The following ADGRL1 variants were observed in gnomAD, a reference collection of about 807,000 sequenced individuals.
ADGRL1 encodes the protein adhesion G protein-coupled receptor L1.
Under a neutral mutation model 148.9 loss-of-function variants are expected in ADGRL1, and 31 were observed. The observed-to-expected ratio is 0.21, with a 90% CI of 0.16 to 0.28. The LOEUF (loss-of-function observed/expected upper bound fraction) is 0.28, where lower values mean the gene tolerates loss of function less well. Ranked by LOEUF, ADGRL1 falls within the 10% of genes least tolerant of loss-of-function variation. The pLI is 1.00. For synonymous variants in ADGRL1, 937 were observed against 900.3 expected (o/e 1.04, Z -0.73); for missense variants, 1,521 against 2,058.8 (o/e 0.74, Z 5.05).
intron 1 of ADGRL1, among the ~76,000 whole-genome samples, chr19:14,197,941 CAG>C (rs879483262): frequency 2.9e-4 from 44 of 152,280 alleles, no homozygotes; most frequent in African/African-American, 1.0e-3. Flanking sequence ...GTGTGCTTGA[CAG>C]GGGGTATACA....
intron 1 of ADGRL1, among the ~76,000 whole-genome samples, chr19:14,183,970 A>C (rs1051874668): frequency 2.0e-5 from 3 of 152,154 alleles, no homozygotes; most frequent in African/African-American, 7.2e-5. Flanking sequence ...GGGAGATCCC[A>C]GGCAGGCCTT....
In ADGRL1 at chr19:14,152,205, CA is replaced by C; in HGVS notation, c.3650-56del. The C allele has an allele frequency of 6.2e-7, 1 of 1,614,104 alleles. No homozygotes were observed. The highest frequency in any genetic ancestry group is 8.5e-7 in the Non-Finnish European group (1 of 1,180,002). ...AAAAGGCAAGGATGAGCTCGAAATGCAAGTCCAGGCTCCAGTTCTGGGGCAC... is the reference window on the plus strand; with the variant it reads ...AAAAGGCAAGGATGAGCTCGAAATGCAGTCCAGGCTCCAGTTCTGGGGCAC... On this transcript the variant is annotated intron_variant, in intron 21 of 22. Coordinates refer to ENST00000361434, the MANE Select transcript of ADGRL1 (RefSeq NM_014921.5). This position sits in a 1 kb window ranked among gnomAD's most constrained non-coding sequence, Gnocchi z 6.1.
At chr19:14,205,732 C>T (rs1486518366) in intron 1 of ADGRL1, among the ~76,000 whole-genome samples, 1 of 151,220 alleles carries the variant, frequency 6.6e-6, no homozygotes, top group Non-Finnish European at 1.5e-5. Context: ...GTAGCCCGTC[C>T]GCACCCCCGC....
rs1201230603 is a variant in ADGRL1 at position 14,148,994 on chromosome 19, C to G, written c.*1879G>C. 2 of 152,952 alleles carry G rather than the reference C, an allele frequency of 1.3e-5. No homozygotes were observed. The highest frequency in any genetic ancestry group is 4.8e-5 in the African/African-American group (2 of 41,432). 9.5% of individuals were successfully genotyped at this position (152,952 alleles called of 1,614,324 possible). ...GCTGAGACCCGAAGATGTTTGAAAA[C>G]TCATGGCACTTGTGAGAAAAGGAGG... On this transcript the variant is annotated 3_prime_UTR_variant, in exon 23 of 23. Coordinates refer to ENST00000361434, the MANE Select transcript of ADGRL1 (RefSeq NM_014921.5).
At chr19:14,196,156 C>T (rs925418696) in intron 1 of ADGRL1, among the ~76,000 whole-genome samples, 1 of 152,234 alleles carries the variant, frequency 6.6e-6, no homozygotes, top group African/African-American at 2.4e-5. Context: ...CCAATCTCTA[C>T]CTCGAGGCGA....
At chr19:14,163,465 G>GGAGAGGGAGAGA in intron 4 of ADGRL1, 59 bp from the exon 5 acceptor site, 1 of 700,936 alleles carries the variant, frequency 1.4e-6, no homozygotes, top group Non-Finnish European at 2.2e-6. Flanking sequence ...GCGAGAGGGA[G>GGAGAGGGAGAGA]GAGAGAGAGA....
At chr19:14,169,785 C>T (rs1327715499) in intron 4 of ADGRL1, 2 of 152,182 alleles carry the variant, frequency 1.3e-5, no homozygotes, top group African/African-American at 4.8e-5. Context: ...CTACATGGAA[C>T]CCATTGTGGG....
chr19:14,168,761 A>G (rs1970219004), intron 4 of ADGRL1: 1 of 152,110 alleles, frequency 6.6e-6, no homozygotes, highest in Non-Finnish European at 1.5e-5. Context: ...TGTTATTTTA[A>G]TTTTGATTAC....
chr19:14,201,199 G>A (rs966133132), intron 1 of ADGRL1, among the ~76,000 whole-genome samples: 1 of 151,900 alleles, frequency 6.6e-6, no homozygotes, highest in African/African-American at 2.4e-5. Flanking sequence ...CCTCCTCAAG[G>A]GATAAGAAGG....
rs1968683185 is a variant in ADGRL1, at chr19:14,155,926, GCTAT to G, written c.3125+180_3125+183del. On this transcript the variant is annotated intron_variant, in intron 17 of 22. Coordinates refer to ENST00000361434, the MANE Select transcript of ADGRL1 (RefSeq NM_014921.5). This position sits in a 1 kb window ranked among gnomAD's most constrained non-coding sequence, Gnocchi z 5.0. ...CACAGGTTGGACGTGCTAATGATACGCTATCTAAGACCCATTAAGTAGGTACATA... is the reference window on the plus strand; with the variant it reads ...CACAGGTTGGACGTGCTAATGATACGCTAAGACCCATTAAGTAGGTACATA... The G allele has an allele frequency of 1.5e-5, 9 of 596,046 alleles. No homozygotes were observed. The highest frequency in any genetic ancestry group is 2.8e-5 in the Admixed American group (1 of 35,490). 36.9% of individuals were successfully genotyped at this position (596,046 alleles called of 1,614,324 possible).
chr19:14,200,993 C>G (rs1409376497), intron 1 of ADGRL1, among the ~76,000 whole-genome samples: 4 of 152,338 alleles, frequency 2.6e-5, no homozygotes, highest in South Asian at 4.1e-4. Context: ...TTAGCAATGT[C>G]TGGAGACTTT....
At chr19:14,187,567 TCC>T in intron 1 of ADGRL1, among the ~76,000 whole-genome samples, 1 of 126,104 alleles carries the variant, frequency 7.9e-6, no homozygotes, top group Non-Finnish European at 1.7e-5. Context: ...CTTCAGTAAA[TCC>T]CCCCCAGCTA....
At chr19:14,169,808 G>A (rs910004817) in intron 4 of ADGRL1, 1 of 152,396 alleles carries the variant, frequency 6.6e-6, no homozygotes, top group African/African-American at 2.4e-5. Context: ...GAGAAGGGAA[G>A]GGATAATGGG....
chr19:14,202,255 G>GTT (rs113347585), intron 1 of ADGRL1, among the ~76,000 whole-genome samples: 3 of 145,426 alleles, frequency 2.1e-5, no homozygotes, highest in African/African-American at 5.0e-5. Flanking sequence ...TTTGTTTTGG[G>GTT]TTTTTTTTTT....
intron 18 of ADGRL1, among the ~76,000 whole-genome samples, chr19:14,154,282 C>T (rs766661586): frequency 3.9e-5 from 6 of 152,180 alleles, no homozygotes; most frequent in Non-Finnish European, 7.4e-5. Flanking sequence ...CCTCTGCCAT[C>T]CCCTGCCTTA....
At chr19:14,163,799 TA>T (rs1295229876) in intron 4 of ADGRL1, among the ~76,000 whole-genome samples, 1 of 151,944 alleles carries the variant, frequency 6.6e-6, no homozygotes, top group Non-Finnish European at 1.5e-5. Flanking sequence ...CTGTGTGATT[TA>T]AGTGGGGGCA....
At chr19:14,172,954 C>T (rs764968083) in intron 3 of ADGRL1, among the ~76,000 whole-genome samples, 8 of 151,992 alleles carry the variant, frequency 5.3e-5, no homozygotes, top group Non-Finnish European at 7.4e-5. Context: ...CTGTGCCTAA[C>T]GTATTTTATT....
chr19:14,151,376 G>C lies in ADGRL1; in HGVS notation c.3907C>G (p.Pro1303Ala). The change falls in exon 23 of 23, where the codon CCC (proline) becomes GCC (alanine). Residue 1303 changes from proline (P) to alanine (A), a missense_variant. Around this residue, in one of 8 missense-constraint regions of ADGRL1, gnomAD observed 390 missense variants for 375.0 expected, o/e 1.04. Coordinates refer to ENST00000361434, the MANE Select transcript of ADGRL1 (RefSeq NM_014921.5). ...CCCCCTGGCACAGGTGGCACAGGGG[G>C]CTCAGGCGGTGGAGGGCCCTTGGCC... ...SAAKGPPPPE[P>A]PVPPVPGGGG... 6.2e-7 allele frequency: 1 copy of C among 1,602,730 alleles called. No homozygotes were observed. The highest frequency in any genetic ancestry group is 8.5e-7 in the Non-Finnish European group (1 of 1,175,412).
At chr19:14,165,678 G>C (rs1401679476) in intron 4 of ADGRL1, among the ~76,000 whole-genome samples, 1 of 151,830 alleles carries the variant, frequency 6.6e-6, no homozygotes, top group African/African-American at 2.4e-5. Flanking sequence ...TGCTGGGAGG[G>C]AGAGAGACTC....
Sources: gnomAD v4.1 joint callset for allele counts (sites outside exome capture counted in the v4.1 genomes callset) on GRCh38, gnomAD v4.1.1 for gene constraint, gnomAD v4.1.1 regional missense constraint, Gnocchi (gnomAD v3.1) non-coding constraint, MANE v1.5 for transcripts, NCBI Gene and HGNC (gene_info 2026-07-23, HGNC 2026-07-21) for gene names.